Variants in MYH11 observed in about 807,000 individuals in gnomAD.
MYH11 encodes the protein myosin heavy chain 11, also known as myosin-11.
MYH11 carries 80 observed loss-of-function variants against 246.6 expected under a neutral mutation model. The observed-to-expected ratio is 0.32, with a 90% CI of 0.27 to 0.39. The LOEUF is 0.39. Ranked by LOEUF, MYH11 falls within the 10% of genes least tolerant of loss-of-function variation. MYH11 has a pLI of 1.00. For missense variants in MYH11, 2,158 were observed against 2,546.8 expected, an observed-to-expected ratio of 0.85 and a Z score of 3.29; for synonymous variants, 1,071 against 1,015.5, an observed-to-expected ratio of 1.05 and a Z score of -1.04.
intron 2 of MYH11, among the ~76,000 whole-genome samples, chr16:15,826,568 A>G (rs1262022721): frequency 6.6e-6 from 1 of 151,158 alleles, no homozygotes; most frequent in East Asian, 1.9e-4. Context: ...AGCCTGTGTG[A>G]CACGGTGAGA....
chr16:15,854,654 C>T (rs967284509), intron 1 of MYH11, among the ~76,000 whole-genome samples: 3 of 152,136 alleles, frequency 2.0e-5, no homozygotes, highest in South Asian at 4.1e-4. Flanking sequence ...TGGGGAGGTG[C>T]GGGAGATGAT....
intron 6 of MYH11, among the ~76,000 whole-genome samples, chr16:15,781,038 C>T (rs1459646025): frequency 6.6e-6 from 1 of 151,972 alleles, no homozygotes; most frequent in Non-Finnish European, 1.5e-5. Flanking sequence ...GTTGGTGTGG[C>T]CTGGCCCGAG....
chr16:15,810,726 G>A (rs1373613931), intron 3 of MYH11, among the ~76,000 whole-genome samples: 1 of 152,138 alleles, frequency 6.6e-6, no homozygotes, highest in Non-Finnish European at 1.5e-5. Context: ...TTCCTCACCA[G>A]GGAAATCGAC....
At chr16:15,856,425 C>A (rs1048700575) in intron 1 of MYH11, among the ~76,000 whole-genome samples, 2 of 151,844 alleles carry the variant, frequency 1.3e-5, no homozygotes, top group Non-Finnish European at 2.9e-5. Flanking sequence ...CTGTGCAATA[C>A]GGTCAAATCC....
At chr16:15,744,351 C>T (rs1221174888) in intron 20 of MYH11, among the ~76,000 whole-genome samples, 2 of 151,928 alleles carry the variant, frequency 1.3e-5, no homozygotes, top group African/African-American at 4.8e-5. Context: ...TTTGCCACCA[C>T]GCCCAGCTAA....
At chr16:15,747,980 C>A in intron 17 of MYH11, 37 bp from the exon 18 acceptor site, 5 of 1,614,160 alleles carry the variant, frequency 3.1e-6, no homozygotes, top group Non-Finnish European at 4.2e-6. Context: ...CGGGTACCTC[C>A]AGCATCCATT....
At chr16:15,745,838 T>C (rs8050783) in intron 19 of MYH11, among the ~76,000 whole-genome samples, 2,783 of 152,042 alleles carry the variant, frequency 0.018, 99 homozygotes, top group African/African-American at 0.063. Flanking sequence ...CCACCCACCT[T>C]GGCCTCCCAA....
chr16:15,833,373 G>A (rs894690966), intron 2 of MYH11, among the ~76,000 whole-genome samples: 48 of 61,948 alleles, frequency 7.7e-4, no homozygotes, highest in African/African-American at 4.7e-3. Flanking sequence ...AAGAGAGAGG[G>A]AGGGAGGGAG....
intron 33 of MYH11, 136 bp from the exon 34 acceptor site, chr16:15,720,448 TGAG>T (rs1438431403): frequency 1.6e-6 from 2 of 1,266,210 alleles, no homozygotes; most frequent in East Asian, 5.1e-5. Context: ...CAGTTGCAGA[TGAG>T]AAAACGGAAT....
intron 10 of MYH11, 55 bp downstream of exon 10, chr16:15,763,741 T>TGGGGCCCCCCCCCCCC: frequency 1.4e-5 from 9 of 646,828 alleles, no homozygotes; most frequent in East Asian, 6.3e-5. Context: ...AAATGTCACC[T>TGGGGCCCCCCCCCCCC]CCCCCACCCC....
chr16:15,712,776 G>C (rs1037302891), intron 40 of MYH11: 2 of 146,366 alleles, frequency 1.4e-5, no homozygotes, highest in Non-Finnish European at 3.1e-5. Context: ...ACTGCGTCAC[G>C]TGCTGCTGCC....
intron 1 of MYH11, among the ~76,000 whole-genome samples, chr16:15,852,512 T>C (rs2044356318): frequency 6.6e-6 from 1 of 151,822 alleles, no homozygotes; most frequent in Non-Finnish European, 1.5e-5. Context: ...TTTGTATTTT[T>C]AGTAGAGATA....
At chr16:15,759,209 T>C (rs1370179459) in intron 12 of MYH11, among the ~76,000 whole-genome samples, 1 of 150,406 alleles carries the variant, frequency 6.6e-6, no homozygotes, top group African/African-American at 2.4e-5. Flanking sequence ...TTTTTTTTTT[T>C]TTTTTTTTAC....
chr16:15,850,997 A>G (rs537733733), intron 1 of MYH11, among the ~76,000 whole-genome samples: 3 of 152,350 alleles, frequency 2.0e-5, no homozygotes, highest in Admixed American at 6.5e-5. Flanking sequence ...TGGGAGGCCA[A>G]GCCAAGAGGA....
chr16:15,817,820 T>C (rs1490464708), intron 3 of MYH11, among the ~76,000 whole-genome samples: 1 of 152,142 alleles, frequency 6.6e-6, no homozygotes, highest in Non-Finnish European at 1.5e-5. Context: ...GCTTTTATTA[T>C]TCTTGGCTAG....
At chr16:15,776,200 T>C (rs544041789) in intron 7 of MYH11, 24 bp from the exon 8 acceptor site, 1 of 1,535,526 alleles carries the variant, frequency 6.5e-7, no homozygotes, top group Non-Finnish European at 9.0e-7. Flanking sequence ...AGTTAGGGAT[T>C]CTGGGGATAC....
Position 15,838,168 on chromosome 16 carries a change from C to T in MYH11, c.85G>A (p.Asp29Asn), listed in dbSNP as rs998492066. The change falls in exon 2 of 41, where the codon GAC (aspartate) becomes AAC (asparagine). Residue 29 changes from aspartate to asparagine, a missense_variant. Physicochemically the swap from Asp to Asn is conservative, Grantham distance 23 (BLOSUM62 1). Transcript: ENST00000300036. Reference protein sequence around the residue: ...NFINSPVAQADWAAKRLVWVP... With the variant: ...NFINSPVAQANWAAKRLVWVP... The stretch of plus-strand genomic sequence containing the variant: ...CAGACGAGTCTCTTGGCGGCCCAGT[C>T]AGCCTGGGCCACTGGGCTGTTGATG... 1 of 1,614,150 alleles carries T rather than the reference C, an allele frequency of 6.2e-7. No homozygotes were observed. The highest frequency in any genetic ancestry group is 1.1e-5 in the South Asian group (1 of 91,076).
At chr16:15,831,159 G>A (rs951049989) in intron 2 of MYH11, among the ~76,000 whole-genome samples, 1 of 152,074 alleles carries the variant, frequency 6.6e-6, no homozygotes, top group African/African-American at 2.4e-5. Flanking sequence ...GTGAGAGAGT[G>A]AGACTCCATC....
chr16:15,766,344 GGTGTGTGTGTGTGTGTGT>G lies in MYH11; in HGVS notation c.1034-2471_1034-2454del, dbSNP rs3073439. ...TATGTGAAGTGTACCCATGTTTTTT[GGTGTGTGTGTGTGTGTGT>G]GTGTGTGTGTGTGTGTGTGTGTGTG... On this transcript the variant is annotated intron_variant, in intron 9 of 40. Transcript: ENST00000300036. Among the ~76,000 whole-genome samples, 782 of 136,780 alleles carry G rather than the reference GGTGTGTGTGTGTGTGTGT, an allele frequency of 5.7e-3. 7 individuals carry two copies. The highest frequency in any genetic ancestry group is 0.021 in the African/African-American group (746 of 35,696). 89.7% of individuals were successfully genotyped at this position (136,780 alleles called of 152,430 possible).
Sources: allele counts gnomAD v4.1 joint callset (sites outside exome capture counted in the v4.1 genomes callset), GRCh38; gene constraint gnomAD v4.1.1; transcripts MANE v1.5; gene names NCBI Gene and HGNC (gene_info 2026-07-23, HGNC 2026-07-21).